TNFRSF10B: variants seen among roughly 807,000 people sequenced by gnomAD.
TNFRSF10B encodes the protein tumor necrosis factor receptor superfamily member 10B.
In TNFRSF10B, 35 loss-of-function variants were observed where a neutral mutation model predicts 41.4. That is an observed-to-expected ratio of 0.85 (90% CI 0.65 to 1.12). The LOEUF is 1.12. Ranked by LOEUF, TNFRSF10B falls within the 50% of genes most tolerant of loss-of-function variation. TNFRSF10B has a pLI of 0.00. For missense variants in TNFRSF10B, 584 were observed against 552.7 expected (o/e 1.06, Z -0.57); for synonymous variants, 230 against 215.5 (o/e 1.07, Z -0.59).
Position 23,028,336 on chromosome 8 carries a change from C to T in TNFRSF10B, c.743G>A (p.Cys248Tyr). 6.2e-7 allele frequency: 1 copy of T among 1,614,104 alleles called. No individual in the cohort carries two copies. Among genetic ancestry groups the T allele is most frequent in the Non-Finnish European group, 8.5e-7 (1 of 1,180,020 alleles). The change falls in exon 5 of 9, where the codon TGC becomes TAC. Residue 248 changes from cysteine (C) to tyrosine (Y), a missense_variant. Cys to Tyr is a radical substitution (Grantham distance 194). Coordinates refer to ENST00000276431, the MANE Select transcript of TNFRSF10B (RefSeq NM_003842.5). Reference protein sequence around the residue: ...KKVLPYLKGICSGGGGDPERV... With the variant: ...KKVLPYLKGIYSGGGGDPERV... ...CGCCCTCAGCCAGCACCTACCTGAG[C>T]AGATGCCTTTCAGGTAAGGAAGGAC...
chr8:23,034,797 T>C (rs537976440), intron 2 of TNFRSF10B, among the ~76,000 whole-genome samples: 1 of 152,382 alleles, frequency 6.6e-6, no homozygotes, highest in Admixed American at 6.5e-5. Context: ...CCATCCAGGA[T>C]GCATCTGTGG....
rs779175748 is a variant in TNFRSF10B, at chr8:23,028,459, G to A, written c.620C>T (p.Ser207Phe). 7 of 1,614,204 alleles carry A rather than the reference G, an allele frequency of 4.3e-6. No homozygotes were observed. Among genetic ancestry groups the A allele is most frequent in the African/African-American group, 1.3e-5 (1 of 75,052 alleles). The change falls in exon 5 of 9, where the codon TCT (serine) becomes TTT (phenylalanine). Residue 207 changes from serine (S) to phenylalanine (F), a missense_variant. Coordinates refer to ENST00000276431, the MANE Select transcript of TNFRSF10B (RefSeq NM_003842.5). The part of the protein sequence containing the change: ...TVTSSPGTPA[S>F]PCSLSGIIIG... Reference sequence around the variant, plus strand: ...GATGATGCCTGAGAGAGAACAGGGAGAGGCAGGAGTCCCTGGGCTGGAGGT... The same window carrying A: ...GATGATGCCTGAGAGAGAACAGGGAAAGGCAGGAGTCCCTGGGCTGGAGGT...
At chr8:23,045,111 T>C (rs1364862599) in intron 1 of TNFRSF10B, among the ~76,000 whole-genome samples, 3 of 131,080 alleles carry the variant, frequency 2.3e-5, no homozygotes, top group Admixed American at 7.8e-5. Context: ...GCATCTGTAA[T>C]CCCAGCTACT....
chr8:23,050,417 C>A (rs1812492733), intron 1 of TNFRSF10B, among the ~76,000 whole-genome samples: 1 of 152,142 alleles, frequency 6.6e-6, no homozygotes, highest in East Asian at 1.9e-4. Flanking sequence ...GATTGGGAGT[C>A]AGCTTAATTA....
At chr8:23,037,381 C>T (rs1464227007) in intron 2 of TNFRSF10B, among the ~76,000 whole-genome samples, 1 of 152,194 alleles carries the variant, frequency 6.6e-6, no homozygotes, top group Non-Finnish European at 1.5e-5. Flanking sequence ...GAGGGTCAGT[C>T]TGCCAGCTAC....
In TNFRSF10B at chr8:23,026,805, AG is replaced by A. The variant is rs548141016; in HGVS notation, c.936+327del. On this transcript the variant is annotated intron_variant, in intron 7 of 8. Coordinates refer to ENST00000276431, the MANE Select transcript of TNFRSF10B (RefSeq NM_003842.5). ...TTTAAAACTCCTGCTGTTACAAGCA[AG>A]GGCTCACTGACTTCTGTTAGGAGCA... Among the ~76,000 whole-genome samples, 110 of 152,358 alleles carry A rather than the reference AG, an allele frequency of 7.2e-4. 1 individual carries two copies. Among genetic ancestry groups the A allele is most frequent in the Admixed American group, 6.3e-3 (96 of 15,302 alleles).
intron 1 of TNFRSF10B, among the ~76,000 whole-genome samples, chr8:23,048,527 T>C (rs1437635437): frequency 6.6e-6 from 1 of 151,484 alleles, no homozygotes; most frequent in Non-Finnish European, 1.5e-5. Flanking sequence ...GGGGAGATGA[T>C]AATCAAAGGT....
At chr8:23,023,008 AGC>A in intron 8 of TNFRSF10B, 24 bp from the exon 9 acceptor site, 1 of 1,606,000 alleles carries the variant, frequency 6.2e-7, no homozygotes, top group Non-Finnish European at 8.5e-7. Flanking sequence ...CCACAGAGAC[AGC>A]CAGGTGAGTT....
chr8:23,062,457 A>C lies in TNFRSF10B; in HGVS notation c.144+6294T>G, dbSNP rs368418823. The stretch of plus-strand genomic sequence containing the variant: ...GGTCTCAAACTCCTGGCTTCAAGCA[A>C]TCCTCCTGTCTTGGCCTCGCAAAGT... On this transcript the variant is annotated intron_variant, in intron 1 of 8. Transcript: ENST00000276431. 3.9e-5 allele frequency among the ~76,000 whole-genome samples: 6 copies of C among 152,032 alleles called. No homozygotes were observed. In the East Asian group the frequency reaches 1.2e-3, roughly 29 times the overall value.
chr8:23,039,690 T>G (rs1218848266), intron 2 of TNFRSF10B, among the ~76,000 whole-genome samples: 1 of 152,168 alleles, frequency 6.6e-6, no homozygotes, highest in Non-Finnish European at 1.5e-5. Flanking sequence ...AAGTCAACCT[T>G]GCTCCATACA....
chr8:23,028,291 C>A, intron 5 of TNFRSF10B, 40 bp downstream of exon 5: 1 of 1,612,636 alleles, frequency 6.2e-7, no homozygotes, highest in Non-Finnish European at 8.5e-7. Flanking sequence ...GGGGGCAGGG[C>A]AGAGAGTGCC....
intron 1 of TNFRSF10B, among the ~76,000 whole-genome samples, chr8:23,045,100 T>C (rs28865004): frequency 0.17 from 24,276 of 141,856 alleles, 4,500 homozygotes; most frequent in African/African-American, 0.47. Flanking sequence ...CATGGAGGTG[T>C]GCATCTGTAA....
chr8:23,027,347 C>T, intron 6 of TNFRSF10B, 59 bp from the exon 7 acceptor site: 1 of 1,603,858 alleles, frequency 6.2e-7, no homozygotes, highest in Non-Finnish European at 8.5e-7. Flanking sequence ...CTAGGGCTCG[C>T]TGCAGGGTCC....
At chr8:23,048,264 T>C (rs534367501) in intron 1 of TNFRSF10B, among the ~76,000 whole-genome samples, 2 of 151,998 alleles carry the variant, frequency 1.3e-5, no homozygotes, top group South Asian at 2.1e-4. Context: ...GGTGAAACCC[T>C]GTTTCTATTA....
intron 1 of TNFRSF10B, among the ~76,000 whole-genome samples, chr8:23,056,604 T>C (rs897284287): frequency 1.3e-5 from 2 of 151,694 alleles, no homozygotes; most frequent in African/African-American, 4.9e-5. Flanking sequence ...TGAGCCAAGA[T>C]TGTGCCACTG....
chr8:23,057,885 G>A lies in TNFRSF10B; in HGVS notation c.144+10866C>T, dbSNP rs73544892. Among the ~76,000 whole-genome samples, 153 of 152,170 alleles carry A rather than the reference G, an allele frequency of 1.0e-3. 1 individual carries two copies. Among genetic ancestry groups the A allele is most frequent in the African/African-American group, 3.6e-3 (148 of 41,504 alleles). On this transcript the variant is annotated intron_variant, in intron 1 of 8. Coordinates refer to ENST00000276431, the MANE Select transcript of TNFRSF10B (RefSeq NM_003842.5). ...AAGATAGCCACAGCAGTTTTCTTAG[G>A]CTTATTACTTGAATGGTATATCTAT...
intron 1 of TNFRSF10B, chr8:23,068,223 C>T (rs1813055269): frequency 6.4e-6 from 1 of 156,136 alleles, no homozygotes; most frequent in Non-Finnish European, 1.4e-5. Flanking sequence ...CGACGACTCC[C>T]GCGCACGGAA....
At chr8:23,023,910 G>A (rs955183480) in intron 8 of TNFRSF10B, among the ~76,000 whole-genome samples, 1 of 152,254 alleles carries the variant, frequency 6.6e-6, no homozygotes, top group Non-Finnish European at 1.5e-5. Flanking sequence ...GGTCCTCAGG[G>A]GCAGGCGGGG....
Position 23,028,493 on chromosome 8 carries a change from C to G in TNFRSF10B, c.586G>C (p.Glu196Gln), listed in dbSNP as rs762213038. The G allele has an allele frequency of 6.2e-7, 1 of 1,614,120 alleles. No homozygotes were observed. Residue 196 changes from glutamate to glutamine, a missense_variant, in exon 5 of 9, where the codon GAG becomes CAG. Glu to Gln is a conservative substitution (Grantham distance 29). Coordinates refer to ENST00000276431, the MANE Select transcript of TNFRSF10B (RefSeq NM_003842.5). ...GTCCCTGGGCTGGAGGTCACCGTCTCCTCCACAGCTGGGACTTCCCCACTG... is the reference window on the plus strand; with the variant it reads ...GTCCCTGGGCTGGAGGTCACCGTCTGCTCCACAGCTGGGACTTCCCCACTG... ...KHSGEVPAVEETVTSSPGTPA... is the reference protein window; with the variant it reads ...KHSGEVPAVEQTVTSSPGTPA...
Sources: gnomAD v4.1 joint callset for allele counts (sites outside exome capture counted in the v4.1 genomes callset) on GRCh38, gnomAD v4.1.1 for gene constraint, MANE v1.5 for transcripts, NCBI Gene and HGNC (gene_info 2026-07-23, HGNC 2026-07-21) for gene names.